Variants in PCDH15 observed in about 807,000 individuals in gnomAD.
PCDH15 encodes the protein protocadherin-15.
PCDH15 carries 129 observed loss-of-function variants against 178.5 expected under a neutral mutation model. That is an observed-to-expected ratio of 0.72 (90% CI 0.63 to 0.84). The LOEUF is 0.84. Among genes scored for constraint, PCDH15 ranks in the 40% least tolerant of loss-of-function variants. The pLI, the probability that PCDH15 is intolerant of heterozygous loss-of-function variation, is 0.00. For synonymous variants in PCDH15, 800 were observed against 732.0 expected, an observed-to-expected ratio of 1.09 and a Z score of -1.50; for missense variants, 2,230 against 2,099.9, an observed-to-expected ratio of 1.06 and a Z score of -1.21.
At chr10:54,252,184 A>T in intron 8 of PCDH15, among the ~76,000 whole-genome samples, 1 of 152,254 alleles carries the variant, frequency 6.6e-6, no homozygotes, top group Non-Finnish European at 1.5e-5. Context: ...TAGTCTTGGC[A>T]AAAATCGTAC....
At chr10:54,040,273 T>C (rs2093514035) in intron 18 of PCDH15, among the ~76,000 whole-genome samples, 1 of 152,076 alleles carries the variant, frequency 6.6e-6, no homozygotes, top group Admixed American at 6.6e-5. Context: ...TGGTGGGAGA[T>C]AACTGAATCA....
chr10:55,140,937 C>G lies in PCDH15; in HGVS notation c.-80+25639G>C, dbSNP rs577917114. Among the ~76,000 whole-genome samples the G allele has an allele frequency of 5.3e-5, 8 of 152,110 alleles. No homozygotes were observed. In the South Asian group the frequency reaches 1.7e-3, roughly 31 times the overall value. The stretch of plus-strand genomic sequence containing the variant: ...TGTCTACAGAATCTGTAGTGATATA[C>G]TCTTTTTCATTCCTGATACTGGTAA... On this transcript the variant is annotated intron_variant, in intron 2 of 5. Coordinates refer to the PCDH15 transcript ENST00000458638.
intron 2 of PCDH15, among the ~76,000 whole-genome samples, chr10:55,161,172 C>G (rs1312748103): frequency 6.6e-6 from 1 of 152,052 alleles, no homozygotes; most frequent in Admixed American, 6.6e-5. Context: ...CTATGGGTAC[C>G]AAGGCTGAAA....
chr10:54,840,743 G>A (rs920221411), intron 3 of PCDH15, among the ~76,000 whole-genome samples: 1 of 151,830 alleles, frequency 6.6e-6, no homozygotes, highest in Admixed American at 6.6e-5. Flanking sequence ...ATAAAGGATA[G>A]TCTATAAAAT....
At chr10:54,410,912 T>G (rs1953394776) in intron 3 of PCDH15, among the ~76,000 whole-genome samples, 1 of 152,058 alleles carries the variant, frequency 6.6e-6, no homozygotes, top group Non-Finnish European at 1.5e-5. Flanking sequence ...GGCCCTGATT[T>G]GCTGCTCAAT....
chr10:55,408,063 A>C (rs1312877109), intron 2 of PCDH15, among the ~76,000 whole-genome samples: 1 of 152,212 alleles, frequency 6.6e-6, no homozygotes, highest in African/African-American at 2.4e-5. Flanking sequence ...ATAACTTGCC[A>C]TCACAGAACC....
chr10:54,375,993 C>T (rs941496866), intron 4 of PCDH15, among the ~76,000 whole-genome samples: 5 of 151,450 alleles, frequency 3.3e-5, no homozygotes, highest in African/African-American at 1.2e-4. Context: ...CTCCTGGGAT[C>T]AAGTGATTCT....
intron 2 of PCDH15, among the ~76,000 whole-genome samples, chr10:55,109,118 C>A (rs1449233268): frequency 6.6e-6 from 1 of 152,144 alleles, no homozygotes; most frequent in Non-Finnish European, 1.5e-5. Flanking sequence ...ACTTTATGCC[C>A]AGTGAGTGAG....
chr10:55,567,216 T>G (rs553695865), intron 2 of PCDH15, among the ~76,000 whole-genome samples: 3 of 152,036 alleles, frequency 2.0e-5, no homozygotes, highest in African/African-American at 7.2e-5. Context: ...CAGGGAAAAT[T>G]AGATATCCAT....
chr10:54,598,180 A>C (rs185643966), intron 2 of PCDH15, among the ~76,000 whole-genome samples: 3 of 152,202 alleles, frequency 2.0e-5, no homozygotes, highest in Admixed American at 2.0e-4. Flanking sequence ...CACAACAAAA[A>C]AGAGAACTTT....
At chr10:53,881,057 A>T (rs913429750) in intron 26 of PCDH15, among the ~76,000 whole-genome samples, 1 of 152,096 alleles carries the variant, frequency 6.6e-6, no homozygotes, top group Non-Finnish European at 1.5e-5. Context: ...ATATATAGTT[A>T]TTTTTATATT....
chr10:55,107,948 T>G (rs1450560310), intron 2 of PCDH15, among the ~76,000 whole-genome samples: 3 of 152,182 alleles, frequency 2.0e-5, no homozygotes, highest in African/African-American at 4.8e-5. Flanking sequence ...CCTAATGTGA[T>G]GGTGCGTTTG....
chr10:54,872,515 A>G (rs1954057182), intron 3 of PCDH15, among the ~76,000 whole-genome samples: 1 of 152,088 alleles, frequency 6.6e-6, no homozygotes, highest in African/African-American at 2.4e-5. Flanking sequence ...GTGAAAGATT[A>G]TCTTTCAATA....
intron 28 of PCDH15, among the ~76,000 whole-genome samples, chr10:53,848,882 G>A (rs1589076518): frequency 6.6e-6 from 1 of 151,848 alleles, no homozygotes; most frequent in Non-Finnish European, 1.5e-5. Context: ...TTTTCATAGT[G>A]CAAATAAAGG....
intron 1 of PCDH15, among the ~76,000 whole-genome samples, chr10:55,292,627 C>T (rs1030344450): frequency 5.9e-5 from 9 of 152,130 alleles, no homozygotes; most frequent in Non-Finnish European, 1.0e-4. Flanking sequence ...GGTGATCTAC[C>T]CACCTCGGCC....
At chr10:54,057,268 T>C (rs2093914100) in intron 18 of PCDH15, among the ~76,000 whole-genome samples, 1 of 152,216 alleles carries the variant, frequency 6.6e-6, no homozygotes, top group African/African-American at 2.4e-5. Flanking sequence ...CCCACCCACA[T>C]TTCCCTTCTG....
At chr10:54,773,159 A>G (rs945886545) in intron 1 of PCDH15, among the ~76,000 whole-genome samples, 5 of 152,144 alleles carry the variant, frequency 3.3e-5, no homozygotes, top group African/African-American at 1.2e-4. Flanking sequence ...CTTAATACCT[A>G]GGTGATGGTA....
At chr10:54,622,620 T>TTATATATATA in intron 2 of PCDH15, among the ~76,000 whole-genome samples, 1 of 40,276 alleles carries the variant, frequency 2.5e-5, no homozygotes, top group African/African-American at 1.1e-4. Flanking sequence ...TTATATATAA[T>TTATATATATA]ATATATAATA....
chr10:54,064,717 G>T (rs1229271000), intron 18 of PCDH15, among the ~76,000 whole-genome samples: 1 of 152,182 alleles, frequency 6.6e-6, no homozygotes, highest in East Asian at 1.9e-4. Flanking sequence ...GGTTGTGACA[G>T]CACCTGGGCT....
Sources: gnomAD v4.1 joint callset for allele counts (sites outside exome capture counted in the v4.1 genomes callset) on GRCh38, gnomAD v4.1.1 for gene constraint, MANE v1.5 for transcripts, NCBI Gene and HGNC (gene_info 2026-07-23, HGNC 2026-07-21) for gene names.